The following ATXN7 variants were observed in gnomAD, a reference collection of about 807,000 sequenced individuals.
The protein encoded by ATXN7 is ataxin-7.
ATXN7 carries 12 observed loss-of-function variants against 70.5 expected under a neutral mutation model. That is an observed-to-expected ratio of 0.17 (90% CI 0.11 to 0.28). The LOEUF (loss-of-function observed/expected upper bound fraction) is 0.28. ATXN7 is among the 10% of genes least tolerant of loss of function. The pLI, the probability that ATXN7 is intolerant of heterozygous loss-of-function variation, is 1.00. For missense variants in ATXN7, 1,256 were observed against 1,131.7 expected, an observed-to-expected ratio of 1.11 and a Z score of -1.58; for synonymous variants, 498 against 448.7, an observed-to-expected ratio of 1.11 and a Z score of -1.39.
At chr3:63,941,119 G>A (rs2074757996) in intron 4 of ATXN7, among the ~76,000 whole-genome samples, 1 of 152,136 alleles carries the variant, frequency 6.6e-6, no homozygotes, top group Admixed American at 6.5e-5. Context: ...CAATGACAAT[G>A]TAAACACTGT....
chr3:63,991,821 T>TA (rs35134788), intron 11 of ATXN7, among the ~76,000 whole-genome samples: 24,639 of 142,550 alleles, frequency 0.17, 2,025 homozygotes, highest in Admixed American at 0.21. Flanking sequence ...GCCTTTCCTG[T>TA]AAAAAAAAAA....
In ATXN7 at chr3:63,999,413, C is replaced by A. The variant is rs774564922; in HGVS notation, c.2662-37C>A. 3.2e-6 allele frequency: 5 copies of A among 1,541,750 alleles called. No homozygotes were observed. The African/African-American group carries it at 4.1e-5, about 13-fold the overall frequency. On this transcript the variant is annotated intron_variant, in intron 12 of 12. Coordinates refer to ENST00000674280, the MANE Select transcript of ATXN7 (RefSeq NM_001377405.1). ...AGTGCAGTGTACAAACGCTTACTTA[C>A]CATTTCATTATTTCCCCACCCCCTC...
chr3:63,966,494 CTCTT>C (rs2075224394), intron 5 of ATXN7, among the ~76,000 whole-genome samples: 1 of 152,160 alleles, frequency 6.6e-6, no homozygotes, highest in Non-Finnish European at 1.5e-5. Context: ...TTGCTGATGG[CTCTT>C]CCCTTGCGTT....
At chr3:63,916,350 T>G (rs1374632625) in intron 4 of ATXN7, among the ~76,000 whole-genome samples, 2 of 152,222 alleles carry the variant, frequency 1.3e-5, no homozygotes, top group African/African-American at 4.8e-5. Context: ...CCTGAAATTG[T>G]ATGCAAAATA....
At chr3:63,876,823 A>G (rs781090748) in intron 1 of ATXN7, among the ~76,000 whole-genome samples, 3 of 152,210 alleles carry the variant, frequency 2.0e-5, no homozygotes, top group Non-Finnish European at 2.9e-5. Context: ...AGGAAACACC[A>G]GTCTGTTTTA....
At chr3:63,927,330 G>T (rs776713545) in intron 4 of ATXN7, among the ~76,000 whole-genome samples, 5 of 152,152 alleles carry the variant, frequency 3.3e-5, no homozygotes, top group African/African-American at 9.7e-5. Context: ...CTTGCTGAAA[G>T]GTGCTGTTAT....
chr3:63,962,349 G>T (rs2075145026), intron 5 of ATXN7, among the ~76,000 whole-genome samples: 1 of 151,974 alleles, frequency 6.6e-6, no homozygotes, highest in African/African-American at 2.4e-5. Context: ...ACTTTGGAAT[G>T]AAATTTGTTT....
At chr3:63,932,454 G>T (rs1251751911) in intron 4 of ATXN7, among the ~76,000 whole-genome samples, 1 of 152,194 alleles carries the variant, frequency 6.6e-6, no homozygotes, top group Admixed American at 6.5e-5. Context: ...AAGGGCAAAT[G>T]GGAGACAGAC....
chr3:63,929,903 T>C lies in ATXN7; in HGVS notation c.394+16678T>C, dbSNP rs77932105. Among the ~76,000 whole-genome samples, 85 of 152,270 alleles carry C rather than the reference T, an allele frequency of 5.6e-4. 1 individual carries two copies. The East Asian group carries it at 0.013, about 24-fold the overall frequency. The stretch of plus-strand genomic sequence containing the variant: ...GACCGCAGAGCCTGTCCCAGAACCC[T>C]GTCCTTGGCTCATCACACAGTGGTT... On this transcript the variant is annotated intron_variant, in intron 4 of 12. Coordinates refer to ENST00000674280, the MANE Select transcript of ATXN7 (RefSeq NM_001377405.1).
At chr3:63,978,411 G>A (rs1030776995) in intron 5 of ATXN7, among the ~76,000 whole-genome samples, 2 of 152,160 alleles carry the variant, frequency 1.3e-5, no homozygotes, top group Admixed American at 6.5e-5. Context: ...ATCGTCTAAG[G>A]CAGGTGACAA....
In ATXN7 at chr3:63,881,484, A is replaced by ATT. The variant is rs909777356; in HGVS notation, c.-110-16894_-110-16893dup. Among the ~76,000 whole-genome samples the ATT allele has an allele frequency of 3.3e-3, 398 of 120,684 alleles. 3 individuals are homozygous for ATT. Among genetic ancestry groups the ATT allele is most frequent in the South Asian group, 0.013 (50 of 3,802 alleles). The allele number at this position is 120,684 out of a possible 152,430, so 79.2% of individuals were successfully genotyped here. Reference sequence around the variant, plus strand: ...TGGCCTTGTTCATTGTGGTTGGAGCATTTTTTTTTTTTTTTTTTTTTTGAG... The same window carrying ATT: ...TGGCCTTGTTCATTGTGGTTGGAGCATTTTTTTTTTTTTTTTTTTTTTTTGAG... On this transcript the variant is annotated intron_variant, in intron 1 of 12. Transcript: ENST00000674280.
rs1191145313 is a variant in ATXN7 at position 63,983,033 on chromosome 3, CCTGAAAGT to C, written c.1095+14_1095+21del. Reference sequence around the variant, plus strand: ...CTTTGACATGCAAGGTAGGTGGACTCCTGAAAGTCAAGTCGACCATCCTGATAAACATG... The same window carrying C: ...CTTTGACATGCAAGGTAGGTGGACTCCAAGTCGACCATCCTGATAAACATG... On this transcript the variant is annotated intron_variant, in intron 8 of 12. Transcript: ENST00000674280. 6.2e-7 allele frequency: 1 copy of C among 1,609,248 alleles called. No homozygotes were observed. The highest frequency in any genetic ancestry group is 1.3e-5 in the African/African-American group (1 of 74,674).
intron 5 of ATXN7, among the ~76,000 whole-genome samples, chr3:63,963,091 T>G (rs934098382): frequency 6.6e-6 from 1 of 151,846 alleles, no homozygotes; most frequent in African/African-American, 2.4e-5. Context: ...AATTTTTGTA[T>G]TTTTTGTAGA....
In ATXN7 at chr3:63,976,764, C is replaced by T. The variant is rs547061786; in HGVS notation, c.500-3151C>T. 1.4e-4 allele frequency among the ~76,000 whole-genome samples: 21 copies of T among 152,254 alleles called. 1 individual carries two copies. The South Asian group carries it at 4.1e-3, about 30-fold the overall frequency. The stretch of plus-strand genomic sequence containing the variant: ...AAAATTACTGCACAATGCAAAATTA[C>T]GCAACAAAAACCACATGAGGCTTAT... On this transcript the variant is annotated intron_variant, in intron 5 of 12. Transcript: ENST00000674280.
At chr3:63,993,015 T>A (rs2075696512) in intron 11 of ATXN7, among the ~76,000 whole-genome samples, 1 of 152,182 alleles carries the variant, frequency 6.6e-6, no homozygotes, top group Non-Finnish European at 1.5e-5. Context: ...CCCAAAATCC[T>A]TCCTTACAGG....
At chr3:63,868,726 T>TC (rs1271127458) in intron 1 of ATXN7, among the ~76,000 whole-genome samples, 1 of 152,062 alleles carries the variant, frequency 6.6e-6, no homozygotes, top group African/African-American at 2.4e-5. Context: ...TGGGCAAGAT[T>TC]CCATTTAACA....
chr3:63,995,311 G>A (rs1418615191), intron 11 of ATXN7, among the ~76,000 whole-genome samples, 194 bp from the exon 12 acceptor site: 1 of 152,144 alleles, frequency 6.6e-6, no homozygotes, highest in Non-Finnish European at 1.5e-5. Flanking sequence ...CACACATACA[G>A]TTCTGTAAGA....
At chr3:63,942,914 T>C (rs571405272) in intron 4 of ATXN7, among the ~76,000 whole-genome samples, 5 of 152,254 alleles carry the variant, frequency 3.3e-5, no homozygotes, top group African/African-American at 1.2e-4. Context: ...AGTGATAGGA[T>C]TGGGATTTGA....
intron 5 of ATXN7, among the ~76,000 whole-genome samples, chr3:63,971,928 GT>G (rs1162970472): frequency 1.3e-5 from 2 of 151,968 alleles, no homozygotes; most frequent in Non-Finnish European, 2.9e-5. Flanking sequence ...AGTTTTTTTT[GT>G]TTTTGTTTTT....
Sources: allele counts gnomAD v4.1 joint callset (sites outside exome capture counted in the v4.1 genomes callset), GRCh38; gene constraint gnomAD v4.1.1; transcripts MANE v1.5; gene names NCBI Gene and HGNC (gene_info 2026-07-23, HGNC 2026-07-21).